Variants in PRDX4 observed in about 807,000 individuals in gnomAD.
PRDX4 encodes peroxiredoxin 4, also known as peroxiredoxin-4.
Under a neutral mutation model 20.5 loss-of-function variants are expected in PRDX4, and 12 were observed. The ratio of observed to expected loss-of-function variants is 0.58; its 90% CI spans 0.37 to 0.95. PRDX4 has a LOEUF of 0.95. Among genes scored for constraint, PRDX4 ranks in the 40% least tolerant of loss-of-function variants. The pLI, the probability that PRDX4 is intolerant of heterozygous loss-of-function variation, is 0.01. For synonymous variants in PRDX4, 99 were observed against 87.5 expected (o/e 1.13, Z -0.73); for missense variants, 180 against 207.3 (o/e 0.87, Z 0.81).
intron 6 of PRDX4, among the ~76,000 whole-genome samples, chrX:23,685,557 A>G (rs1928166449): frequency 1.6e-5 from 1 of 62,180 alleles, no homozygotes; most frequent in African/African-American, 6.0e-5. Context: ...TTTGACCTCA[A>G]AGCAAAACTG....
chrX:23,679,229 A>G lies in PRDX4; in HGVS notation c.541A>G (p.Thr181Ala). 1 of 1,206,286 alleles carries G rather than the reference A, an allele frequency of 8.3e-7. No individual in the cohort carries two copies. The highest frequency in any genetic ancestry group is 1.1e-6 in the Non-Finnish European group (1 of 890,831). ...PIRIPLLSDL[T>A]HQISKDYGVY... ...AAGGATTCCACTTCTTTCAGATTTG[A>G]CCCATCAGATCTCAAAGGACTATGG... Residue 181 changes from threonine to alanine, a missense_variant, in exon 4 of 7, where the codon ACC becomes GCC. Thr to Ala is a moderately conservative substitution (Grantham distance 58). Transcript: ENST00000379341.
Position 23,679,713 on chromosome X carries a change from T to C in PRDX4, c.599+426T>C, listed in dbSNP as rs973384693. 3.8e-5 allele frequency among the ~76,000 whole-genome samples: 4 copies of C among 105,881 alleles called. No individual in the cohort carries two copies. The East Asian group carries it at 1.2e-3, about 31-fold the overall frequency. 91.9% of individuals were successfully genotyped at this position (105,881 alleles called of 115,157 possible). A position where few individuals can be genotyped will look rare whatever the true frequency, so the allele number is the denominator to read the frequency against. ...GAAATAATTGGCTGGGCATGGTGGC[T>C]CACGCCTATAATCCCAGCACTTTGG... On this transcript the variant is annotated intron_variant, in intron 4 of 6. Coordinates refer to ENST00000379341, the MANE Select transcript of PRDX4 (RefSeq NM_006406.2).
In PRDX4 at chrX:23,667,678, G is replaced by A. The variant is rs773327179; in HGVS notation, c.108G>A (p.Gln36=). ...TCCTGCTGCCGGCTGGAGCTGTGCAGGGCTGGGAGACAGAGGAGAGGCCCC... is the reference window on the plus strand; with the variant it reads ...TCCTGCTGCCGGCTGGAGCTGTGCAAGGCTGGGAGACAGAGGAGAGGCCCC... ...LLFLLPAGAV[Q]GWETEERPRT... The change falls in exon 1 of 7, where the codon CAG becomes CAA. Residue 36 remains glutamine (Q), a synonymous_variant. Transcript: ENST00000379341. 6 of 1,209,503 alleles carry A rather than the reference G, an allele frequency of 5.0e-6. No homozygotes were observed. The East Asian group carries it at 1.8e-4, about 36-fold the overall frequency.
At chrX:23,686,048 G>T (rs1473701028) in intron 6 of PRDX4, 1 of 453,768 alleles carries the variant, frequency 2.2e-6, no homozygotes, top group Admixed American at 2.9e-5. Context: ...AGAGAGAGCT[G>T]TAAGTAAGTT....
intron 3 of PRDX4, among the ~76,000 whole-genome samples, chrX:23,677,839 C>T (rs1927978568): frequency 8.9e-6 from 1 of 111,981 alleles, no homozygotes; most frequent in African/African-American, 3.2e-5. Flanking sequence ...AAATCTTCAT[C>T]ATGGAATTAA....
chrX:23,682,504 G>A lies in PRDX4; in HGVS notation c.708G>A (p.Gln236=), dbSNP rs1191991728. ...DETLRLVQAF[Q]YTDKHGEVCP... is the part of the protein sequence containing the mutation. ...CACTACGTTTGGTTCAAGCATTCCA[G>A]TACACTGACAAACACGGAGAAGGTA... The change falls in exon 5 of 7, where the codon CAG becomes CAA. Residue 236 remains glutamine (Q), a synonymous_variant. Coordinates refer to ENST00000379341, the MANE Select transcript of PRDX4 (RefSeq NM_006406.2). 6 of 1,170,657 alleles carry A rather than the reference G, an allele frequency of 5.1e-6. No homozygotes were observed. The Admixed American group carries it at 1.4e-4, about 27-fold the overall frequency.
Position 23,682,825 on chromosome X carries a change from C to CAAA in PRDX4, c.730+326_730+328dup, listed in dbSNP as rs568865999. Reference sequence around the variant, plus strand: ...GTGAAACCTCACCTCTACTAAAAATCAAAAAAAAAAAAAAAAAAAAAAAAA... The same window carrying CAAA: ...GTGAAACCTCACCTCTACTAAAAATCAAAAAAAAAAAAAAAAAAAAAAAAAAAA... On this transcript the variant is annotated intron_variant, in intron 5 of 6. Transcript: ENST00000379341. Among the ~76,000 whole-genome samples the CAAA allele has an allele frequency of 1.5e-3, 14 of 9,582 alleles. 1 individual carries two copies. Among genetic ancestry groups the CAAA allele is most frequent in the African/African-American group, 2.9e-3 (6 of 2,071 alleles). The allele number at this position is 9,582 out of a possible 115,157, so 8.3% of individuals were successfully genotyped here. A position where few individuals can be genotyped will look rare whatever the true frequency, so the allele number is the denominator to read the frequency against.
At chrX:23,669,296 G>A (rs747538722) in intron 1 of PRDX4, among the ~76,000 whole-genome samples, 15 of 112,076 alleles carry the variant, frequency 1.3e-4, no homozygotes, top group Non-Finnish European at 2.6e-4. Context: ...GGTTTTACTT[G>A]CCTGGGAAAG....
intron 4 of PRDX4, among the ~76,000 whole-genome samples, chrX:23,681,867 CCT>C (rs1280405691): frequency 9.0e-6 from 1 of 111,077 alleles, no homozygotes. Context: ...ATGGCGAAAC[CCT>C]GTTTGTACAA....
At chrX:23,682,606 C>A in intron 5 of PRDX4, 80 bp downstream of exon 5, 1 of 804,260 alleles carries the variant, frequency 1.2e-6, no homozygotes, top group Non-Finnish European at 1.6e-6. Context: ...TAAAAGTAAT[C>A]GATATTTCCA....
rs1327553323 is a variant in PRDX4, at chrX:23,671,616, A to G, written c.329A>G (p.Tyr110Cys). Residue 110 changes from tyrosine (Y) to cysteine (C), a missense_variant, in exon 2 of 7, where the codon TAC becomes TGC. Tyr to Cys is a radical substitution (Grantham distance 194, BLOSUM62 -2). This residue lies in a region of PRDX4 where 105 missense variants were observed against 114.2 expected (regional missense o/e 0.92). Transcript: ENST00000379341. ...AAGTTAACTGATTATCGTGGGAAAT[A>G]CTTGGTTTTCTTCTTCTACCCACTT... ...ELKLTDYRGKYLVFFFYPLDF... is the reference protein window; with the variant it reads ...ELKLTDYRGKCLVFFFYPLDF... 2 of 1,203,475 alleles carry G rather than the reference A, an allele frequency of 1.7e-6. No individual in the cohort carries two copies. Among genetic ancestry groups the G allele is most frequent in the East Asian group, 3.0e-5 (1 of 33,565 alleles).
In PRDX4 at chrX:23,667,769, G is replaced by C. The variant is rs1026636835; in HGVS notation, c.199G>C (p.Val67Leu). The change falls in exon 1 of 7, where the codon GTA (valine) becomes CTA (leucine). Residue 67 changes from valine (V) to leucine (L), a missense_variant. This residue lies in a region of PRDX4 where 105 missense variants were observed against 114.2 expected (regional missense o/e 0.92). Transcript: ENST00000379341. Reference protein sequence around the residue: ...GQVYPGEASRVSVADHSLHLS... With the variant: ...GQVYPGEASRLSVADHSLHLS... ...AGTGTACCCGGGAGAGGCATCCCGG[G>C]TATCGGTCGCCGACCACTCCCTGCA... 1 of 1,209,781 alleles carries C rather than the reference G, an allele frequency of 8.3e-7. No homozygotes were observed. The highest frequency in any genetic ancestry group is 1.1e-6 in the Non-Finnish European group (1 of 895,083).
intron 3 of PRDX4, among the ~76,000 whole-genome samples, chrX:23,678,367 C>T (rs973664558): frequency 3.5e-4 from 37 of 106,348 alleles, no homozygotes; most frequent in Admixed American, 1.1e-3. Flanking sequence ...CGGTGGCTCA[C>T]GCCTGTAATC....
At chrX:23,681,704 T>A (rs1444508546) in intron 4 of PRDX4, among the ~76,000 whole-genome samples, 4 of 112,162 alleles carry the variant, frequency 3.6e-5, no homozygotes, top group Non-Finnish European at 7.5e-5. Flanking sequence ...TTATCTAACG[T>A]TAGCTATATT....
At chrX:23,679,026 G>A in intron 3 of PRDX4, 139 bp from the exon 4 acceptor site, 1 of 608,862 alleles carries the variant, frequency 1.6e-6, no homozygotes, top group Non-Finnish European at 2.5e-6. Context: ...CAAGAAAATA[G>A]AAAGTATATT....
intron 4 of PRDX4, among the ~76,000 whole-genome samples, chrX:23,681,814 G>A (rs1258269300): frequency 8.9e-6 from 1 of 112,274 alleles, no homozygotes; most frequent in East Asian, 2.8e-4. Flanking sequence ...GCCGAGGCAG[G>A]TAGATTGCTC....
intron 3 of PRDX4, among the ~76,000 whole-genome samples, chrX:23,677,148 C>T (rs748113359): frequency 6.3e-5 from 7 of 111,722 alleles, no homozygotes; most frequent in Non-Finnish European, 1.3e-4. Context: ...GGATTGCTTT[C>T]CCAAGGAAAT....
intron 6 of PRDX4, among the ~76,000 whole-genome samples, chrX:23,684,047 C>CAAAAA (rs3063544): frequency 0.14 from 8,195 of 57,860 alleles, 548 homozygotes; most frequent in East Asian, 0.18. Context: ...GACTCCTTCT[C>CAAAAA]AAAAAAAAAA....
chrX:23,683,562 C>G, intron 5 of PRDX4, 109 bp from the exon 6 acceptor site: 1 of 724,784 alleles, frequency 1.4e-6, no homozygotes, highest in Non-Finnish European at 2.1e-6. Flanking sequence ...TGGAAATGTT[C>G]TTATTAGTAT....
Sources: allele counts gnomAD v4.1 joint callset (sites outside exome capture counted in the v4.1 genomes callset), GRCh38; gene constraint gnomAD v4.1.1; regional missense constraint gnomAD v4.1.1; transcripts MANE v1.5; gene names NCBI Gene and HGNC (gene_info 2026-07-23, HGNC 2026-07-21).